Variants in FOXP1 observed in about 807,000 individuals in gnomAD.
FOXP1 encodes forkhead box protein P1.
A neutral mutation model predicts 98.2 loss-of-function variants in FOXP1; 15 were observed. The ratio of observed to expected loss-of-function variants is 0.15; its 90% CI spans 0.10 to 0.24. FOXP1 has a LOEUF of 0.24. Among genes scored for constraint, FOXP1 ranks in the 10% least tolerant of loss-of-function variants. The pLI is 1.00. For synonymous variants in FOXP1, 371 were observed against 314.5 expected (o/e 1.18, Z -1.90); for missense variants, 633 against 848.5 (o/e 0.75, Z 3.15).
In FOXP1 at chr3:70,957,067, G is replaced by GTAATC. The variant is rs2032006551; in HGVS notation, c.*2175_*2179dup. The GTAATC allele has an allele frequency of 4.5e-6, 1 of 222,576 alleles. No homozygotes were observed. The highest frequency in any genetic ancestry group is 6.6e-5 in the East Asian group (1 of 15,070). The allele number at this position is 222,576 out of a possible 1,614,324, so 13.8% of individuals were successfully genotyped here. ...TCTCTTTTTCTAGAAATACTATTAT[G>GTAATC]TAATCTAGTTCAATTATGGAAGCTT... On this transcript the variant is annotated 3_prime_UTR_variant, in exon 21 of 21. Transcript: ENST00000649528.
intron 13 of FOXP1, among the ~76,000 whole-genome samples, chr3:70,996,609 T>A (rs2041404134): frequency 6.6e-6 from 1 of 152,154 alleles, no homozygotes; most frequent in African/African-American, 2.4e-5. Flanking sequence ...TTTTCTGGGG[T>A]TTAGATTCAA....
intron 3 of FOXP1, among the ~76,000 whole-genome samples, chr3:71,408,171 C>T (rs570328772): frequency 3.2e-4 from 48 of 152,206 alleles, no homozygotes; most frequent in African/African-American, 1.1e-3. Flanking sequence ...GTTTGCAACT[C>T]GAAGACTTTT....
chr3:71,319,876 C>T (rs1417816044), intron 4 of FOXP1, among the ~76,000 whole-genome samples: 2 of 152,168 alleles, frequency 1.3e-5, no homozygotes, highest in African/African-American at 4.8e-5. Flanking sequence ...ATGCTACCAC[C>T]ACACGCCTAG....
chr3:71,074,717 C>T (rs1192491349), intron 7 of FOXP1, among the ~76,000 whole-genome samples: 3 of 152,028 alleles, frequency 2.0e-5, no homozygotes, highest in South Asian at 2.1e-4. Flanking sequence ...CAAGTGTCAC[C>T]GATTAGTCAG....
At chr3:71,293,826 C>T (rs2073010756) in intron 5 of FOXP1, among the ~76,000 whole-genome samples, 1 of 152,094 alleles carries the variant, frequency 6.6e-6, no homozygotes, top group South Asian at 2.1e-4. Context: ...GTTGAGAGGC[C>T]ATGTCAGTCT....
intron 7 of FOXP1, among the ~76,000 whole-genome samples, chr3:71,099,851 T>C (rs925200121): frequency 6.6e-6 from 1 of 152,198 alleles, no homozygotes; most frequent in Non-Finnish European, 1.5e-5. Flanking sequence ...CAGTCCAGTG[T>C]AAAAGATCCT....
At chr3:71,369,399 AAAAAAC>A (rs553367769) in intron 3 of FOXP1, among the ~76,000 whole-genome samples, 2 of 152,264 alleles carry the variant, frequency 1.3e-5, no homozygotes, top group South Asian at 2.1e-4. Context: ...CAAAAAAACA[AAAAAAC>A]AAAAACAGAA....
intron 3 of FOXP1, among the ~76,000 whole-genome samples, chr3:71,458,722 G>A (rs771633803): frequency 5.3e-5 from 8 of 152,068 alleles, no homozygotes; most frequent in African/African-American, 1.7e-4. Context: ...GAACACAAGC[G>A]TAAAGCAATC....
chr3:71,566,841 A>G (rs768536365), intron 2 of FOXP1, among the ~76,000 whole-genome samples: 43 of 152,042 alleles, frequency 2.8e-4, no homozygotes, highest in South Asian at 6.2e-4. Context: ...GGGACATGAG[A>G]AGTGTCTCCT....
intron 4 of FOXP1, among the ~76,000 whole-genome samples, chr3:71,320,075 C>T (rs1313202793): frequency 1.3e-5 from 2 of 152,102 alleles, no homozygotes; most frequent in Non-Finnish European, 2.9e-5. Context: ...CAAACCTACC[C>T]ACGGGGAAGA....
chr3:71,518,878 T>C (rs2042770195), intron 2 of FOXP1, among the ~76,000 whole-genome samples: 1 of 152,192 alleles, frequency 6.6e-6, no homozygotes, highest in Non-Finnish European at 1.5e-5. Context: ...ATGCAAAGCA[T>C]CAGAGGACAC....
At chr3:70,973,653 C>T (rs1331520644) in intron 17 of FOXP1, among the ~76,000 whole-genome samples, 2 of 152,130 alleles carry the variant, frequency 1.3e-5, no homozygotes, top group African/African-American at 2.4e-5. Flanking sequence ...CAACGCTGGA[C>T]ATGAAGACAT....
In FOXP1 at chr3:71,184,190, C is replaced by T. The variant is rs2062507768; in HGVS notation, c.180+14012G>A. Among the ~76,000 whole-genome samples the T allele has an allele frequency of 3.9e-5, 6 of 152,202 alleles. No individual in the cohort carries two copies. The South Asian group carries it at 6.2e-4, about 16-fold the overall frequency. On this transcript the variant is annotated intron_variant, in intron 6 of 20. Coordinates refer to ENST00000649528, the MANE Select transcript of FOXP1 (RefSeq NM_001349338.3). ...AAACAAAAAAGCCCTTCAGATGATGCTCACGCACATAAAAGTTTGAGAACC... is the reference window on the plus strand; with the variant it reads ...AAACAAAAAAGCCCTTCAGATGATGTTCACGCACATAAAAGTTTGAGAACC...
At chr3:71,302,943 C>G (rs1353337661) in intron 4 of FOXP1, 1 of 152,092 alleles carries the variant, frequency 6.6e-6, no homozygotes, top group Non-Finnish European at 1.5e-5. Context: ...TCTAAAGAAC[C>G]CTCAGATTAT....
intron 5 of FOXP1, among the ~76,000 whole-genome samples, chr3:71,278,828 A>G (rs1253540074): frequency 6.6e-6 from 1 of 152,048 alleles, no homozygotes; most frequent in Non-Finnish European, 1.5e-5. Flanking sequence ...TACCAATTAA[A>G]TAATACCCAG....
rs538308973 is a variant in FOXP1 at position 71,111,795 on chromosome 3, T to G, written c.282+741A>C. 7.2e-5 allele frequency among the ~76,000 whole-genome samples: 11 copies of G among 152,336 alleles called. No homozygotes were observed. In the East Asian group the frequency reaches 1.9e-3, roughly 27 times the overall value. On this transcript the variant is annotated intron_variant, in intron 7 of 20. Coordinates refer to ENST00000649528, the MANE Select transcript of FOXP1 (RefSeq NM_001349338.3). ...CAGAAGTTGCTAGAACAACCATTTT[T>G]GTATCTTTACATAAAAATTTCTTGC...
chr3:71,254,152 T>C (rs1419350124), intron 5 of FOXP1, among the ~76,000 whole-genome samples: 1 of 152,230 alleles, frequency 6.6e-6, no homozygotes, highest in Admixed American at 6.5e-5. Context: ...CCAACCTCCA[T>C]GCCTTAATAA....
intron 3 of FOXP1, among the ~76,000 whole-genome samples, chr3:71,371,893 C>T (rs1229820488): frequency 1.3e-5 from 2 of 152,208 alleles, no homozygotes; most frequent in African/African-American, 4.8e-5. Context: ...ACTGGTCTTT[C>T]TGACCCCACA....
intron 3 of FOXP1, among the ~76,000 whole-genome samples, chr3:71,411,278 C>A (rs868820833): frequency 7.1e-6 from 1 of 141,684 alleles, no homozygotes. Context: ...GCTGAATGGG[C>A]GTGTGTGTGT....
Sources: gnomAD v4.1 joint callset for allele counts (sites outside exome capture counted in the v4.1 genomes callset) on GRCh38, gnomAD v4.1.1 for gene constraint, MANE v1.5 for transcripts, NCBI Gene and HGNC (gene_info 2026-07-23, HGNC 2026-07-21) for gene names.